The following SNTG1 variants were observed in gnomAD, a reference collection of about 807,000 sequenced individuals.
The protein encoded by SNTG1 is syntrophin gamma 1.
SNTG1 carries 39 observed loss-of-function variants against 74.7 expected under a neutral mutation model. That is an observed-to-expected ratio of 0.52 (90% confidence interval 0.40 to 0.68). SNTG1 has a LOEUF of 0.68. Ranked by LOEUF, SNTG1 falls within the 30% of genes least tolerant of loss-of-function variation. The pLI is 0.00. For synonymous variants in SNTG1, 254 were observed against 217.1 expected (o/e 1.17, Z -1.49); for missense variants, 685 against 609.5 (o/e 1.12, Z -1.30).
chr8:50,727,428 C>T (rs960715817), intron 17 of SNTG1, among the ~76,000 whole-genome samples: 1 of 152,118 alleles, frequency 6.6e-6, no homozygotes, highest in Non-Finnish European at 1.5e-5. Context: ...TGCTGGGAGT[C>T]CAGCAGCCCT....
intron 17 of SNTG1, among the ~76,000 whole-genome samples, chr8:50,711,322 G>T (rs1337645699): frequency 2.6e-5 from 4 of 152,092 alleles, no homozygotes; most frequent in Non-Finnish European, 5.9e-5. Context: ...GTTTTTGAAT[G>T]TTTGGATTCA....
At chr8:49,962,401 C>T (rs1054200004) in intron 1 of SNTG1, among the ~76,000 whole-genome samples, 1 of 151,554 alleles carries the variant, frequency 6.6e-6, no homozygotes, top group Non-Finnish European at 1.5e-5. Flanking sequence ...CACATACATG[C>T]AGACACATGT....
chr8:50,582,419 A>G (rs1383830980), intron 12 of SNTG1, among the ~76,000 whole-genome samples: 2 of 152,284 alleles, frequency 1.3e-5, no homozygotes, highest in East Asian at 3.9e-4. Flanking sequence ...AAGTATTAAA[A>G]TAAGCAGTTA....
At chr8:50,217,274 G>C (rs985688484) in intron 2 of SNTG1, among the ~76,000 whole-genome samples, 2 of 152,012 alleles carry the variant, frequency 1.3e-5, no homozygotes, top group Non-Finnish European at 2.9e-5. Flanking sequence ...TGTAGGAAAA[G>C]TGTAATAAAA....
intron 2 of SNTG1, among the ~76,000 whole-genome samples, chr8:50,259,497 T>A (rs1395157321): frequency 1.8e-4 from 13 of 73,776 alleles, no homozygotes; most frequent in African/African-American, 1.4e-3. Flanking sequence ...AGACGCTGTC[T>A]CAAAAAAAAA....
chr8:50,780,536 G>A (rs562379720), intron 18 of SNTG1, among the ~76,000 whole-genome samples: 31 of 152,230 alleles, frequency 2.0e-4, no homozygotes, highest in Non-Finnish European at 3.8e-4. Flanking sequence ...ATTTCTGTGG[G>A]ATTGGTGGTG....
chr8:50,573,297 T>C (rs2094559015), intron 12 of SNTG1, among the ~76,000 whole-genome samples: 1 of 152,084 alleles, frequency 6.6e-6, no homozygotes, highest in Non-Finnish European at 1.5e-5. Context: ...AATTCAGGGA[T>C]TTAAGAAACA....
chr8:50,443,637 T>C (rs1180866851), intron 5 of SNTG1, among the ~76,000 whole-genome samples: 1 of 152,180 alleles, frequency 6.6e-6, no homozygotes, highest in Non-Finnish European at 1.5e-5. Context: ...ACAATGAGAT[T>C]AAGTGTCAAG....
intron 1 of SNTG1, among the ~76,000 whole-genome samples, chr8:50,087,986 G>A (rs1310301581): frequency 7.8e-6 from 1 of 128,826 alleles, no homozygotes; most frequent in African/African-American, 3.0e-5. Context: ...CTGTGTCCAT[G>A]TGATCTCATT....
At chr8:50,757,604 G>C (rs1035611086) in intron 18 of SNTG1, among the ~76,000 whole-genome samples, 1 of 151,574 alleles carries the variant, frequency 6.6e-6, no homozygotes. Flanking sequence ...CATATCATTT[G>C]GTCTTATTTC....
At chr8:50,208,714 C>A (rs961729244) in intron 2 of SNTG1, among the ~76,000 whole-genome samples, 5 of 152,106 alleles carry the variant, frequency 3.3e-5, no homozygotes, top group African/African-American at 1.2e-4. Flanking sequence ...CTTTCCTTTC[C>A]ATGTTTAGCG....
At chr8:50,497,970 A>G (rs2093918509) in intron 8 of SNTG1, among the ~76,000 whole-genome samples, 1 of 151,934 alleles carries the variant, frequency 6.6e-6, no homozygotes, top group South Asian at 2.1e-4. Flanking sequence ...GTGGAGTCAC[A>G]TTCCATTATA....
chr8:50,398,631 C>T, intron 3 of SNTG1, among the ~76,000 whole-genome samples: 1 of 152,028 alleles, frequency 6.6e-6, no homozygotes, highest in East Asian at 1.9e-4. Flanking sequence ...TATGTACTTT[C>T]GAAGTAAATA....
At chr8:50,287,569 A>C (rs934002257) in intron 2 of SNTG1, among the ~76,000 whole-genome samples, 1 of 152,190 alleles carries the variant, frequency 6.6e-6, no homozygotes, top group Non-Finnish European at 1.5e-5. Context: ...ATCCTTTAGC[A>C]GTAGCCTGAA....
chr8:50,358,934 T>A (rs537102603), intron 2 of SNTG1, among the ~76,000 whole-genome samples: 1 of 152,320 alleles, frequency 6.6e-6, no homozygotes, highest in East Asian at 1.9e-4. Flanking sequence ...TACTCCTTTG[T>A]TTCTCAATGT....
intron 2 of SNTG1, among the ~76,000 whole-genome samples, chr8:50,217,648 ATGGT>A (rs1379238178): frequency 3.5e-5 from 2 of 57,844 alleles, no homozygotes; most frequent in Non-Finnish European, 5.9e-5. Flanking sequence ...TAAAGGTTCC[ATGGT>A]TCCATTACAT....
chr8:50,568,937 C>CT (rs2094531480), intron 12 of SNTG1: 1 of 152,162 alleles, frequency 6.6e-6, no homozygotes, highest in Non-Finnish European at 1.5e-5. Context: ...GCGACAACAG[C>CT]TACAAACATC....
intron 1 of SNTG1, among the ~76,000 whole-genome samples, chr8:50,147,450 A>T (rs972625752): frequency 6.6e-6 from 1 of 152,192 alleles, no homozygotes; most frequent in Non-Finnish European, 1.5e-5. Context: ...TTATTTGGAA[A>T]ACTTGTTTTT....
At chr8:50,215,267 T>G (rs955697714) in intron 2 of SNTG1, among the ~76,000 whole-genome samples, 1 of 151,820 alleles carries the variant, frequency 6.6e-6, no homozygotes, top group Non-Finnish European at 1.5e-5. Flanking sequence ...TTTTTTATAA[T>G]AAAAGTTAAA....
Sources: gnomAD v4.1 joint callset for allele counts (sites outside exome capture counted in the v4.1 genomes callset) on GRCh38, gnomAD v4.1.1 for gene constraint, MANE v1.5 for transcripts, NCBI Gene and HGNC (gene_info 2026-07-23, HGNC 2026-07-21) for gene names.